The following ADAMTS20 variants were observed in gnomAD, a reference collection of about 807,000 sequenced individuals.
ADAMTS20 encodes ADAM metallopeptidase with thrombospondin type 1 motif 20.
Under a neutral mutation model 260.1 loss-of-function variants are expected in ADAMTS20, and 225 were observed. The observed-to-expected ratio is 0.87, with a 90% CI of 0.78 to 0.97. The LOEUF (loss-of-function observed/expected upper bound fraction) is 0.97. Ranked by LOEUF, ADAMTS20 falls within the 50% of genes least tolerant of loss-of-function variation. The pLI is 0.00. For missense variants in ADAMTS20, 2,400 were observed against 2,337.7 expected (o/e 1.03, Z -0.55); for synonymous variants, 802 against 769.5 (o/e 1.04, Z -0.70).
chr12:43,444,271 A>C (rs1305515911), intron 15 of ADAMTS20, among the ~76,000 whole-genome samples: 1 of 152,160 alleles, frequency 6.6e-6, no homozygotes, highest in East Asian at 1.9e-4. Flanking sequence ...ACAATTCACA[A>C]GTCCAGGAGA....
chr12:43,406,222 A>G (rs1023286880), intron 28 of ADAMTS20, among the ~76,000 whole-genome samples: 1 of 152,148 alleles, frequency 6.6e-6, no homozygotes, highest in Non-Finnish European at 1.5e-5. Context: ...ACAATTTGAG[A>G]GGATTAGTTG....
chr12:43,450,211 A>T (rs527861223), intron 14 of ADAMTS20, among the ~76,000 whole-genome samples: 7 of 152,276 alleles, frequency 4.6e-5, no homozygotes, highest in African/African-American at 1.7e-4. Context: ...ATACAAGTAG[A>T]TGGCTTGTTC....
chr12:43,453,770 A>T (rs1941912546), intron 12 of ADAMTS20, 137 bp downstream of exon 12: 2 of 868,770 alleles, frequency 2.3e-6, no homozygotes, highest in Non-Finnish European at 3.5e-6. Flanking sequence ...AATCAATGTG[A>T]CTTAAAGTGC....
chr12:43,420,800 C>CTTTTTTTTTTTTTT (rs747496684), intron 28 of ADAMTS20, among the ~76,000 whole-genome samples: 763 of 55,488 alleles, frequency 0.014, 130 homozygotes, highest in Middle Eastern at 0.034. Context: ...CCTCCTCCTT[C>CTTTTTTTTTTTTTT]TTTTTTTTTT....
chr12:43,408,460 T>A, intron 28 of ADAMTS20, among the ~76,000 whole-genome samples: 1 of 152,324 alleles, frequency 6.6e-6, no homozygotes, highest in South Asian at 2.1e-4. Flanking sequence ...CCATTTCAAG[T>A]TCCCACAAAT....
At position 43,383,938 on chromosome 12, in the gene ADAMTS20, C is replaced by T. The variant is rs1344071736; in HGVS notation, c.4492G>A (p.Val1498Ile). The change falls in exon 30 of 39, where the codon GTA becomes ATA. Residue 1498 changes from valine to isoleucine, a missense_variant. Physicochemically the swap from Val to Ile is conservative, Grantham distance 29 (BLOSUM62 3). Coordinates refer to ENST00000389420, the MANE Select transcript of ADAMTS20 (RefSeq NM_025003.5). Reference protein sequence around the residue: ...TCGSGVQQRDVYCRLKGVGQV... With the variant: ...TCGSGVQQRDIYCRLKGVGQV... ...CCAACACCTTTCAGTCTGCAGTATA[C>T]ATCCCTCTGCTGAACTCCAGAGCCA... The T allele has an allele frequency of 2.5e-6, 4 of 1,613,790 alleles. No individual in the cohort carries two copies. In the African/African-American group the frequency reaches 5.3e-5, roughly 22 times the overall value.
chr12:43,430,550 T>G, intron 22 of ADAMTS20, 79 bp from the exon 23 acceptor site: 1 of 1,287,140 alleles, frequency 7.8e-7, no homozygotes, highest in Non-Finnish European at 1.1e-6. Flanking sequence ...ATGAATACCC[T>G]GTTAATAATA....
rs147916368 is a variant in ADAMTS20, at chr12:43,356,669, G to A, written c.5539-81C>T. 12 of 954,688 alleles carry A rather than the reference G, an allele frequency of 1.3e-5. No homozygotes were observed. The African/African-American group carries it at 2.0e-4, about 16-fold the overall frequency. 59.1% of individuals were successfully genotyped at this position (954,688 alleles called of 1,614,324 possible). ...CAAATAAGTCTTCTCAATTGCAAGG[G>A]GCAACTGAATTAATACTATATAATG... On this transcript the variant is annotated intron_variant, in intron 37 of 38. Transcript: ENST00000389420.
chr12:43,356,625 T>G, intron 37 of ADAMTS20, 37 bp from the exon 38 acceptor site: 2 of 1,434,844 alleles, frequency 1.4e-6, no homozygotes, highest in Non-Finnish European at 1.9e-6. Flanking sequence ...ATAGATGGAA[T>G]TTACAAAATA....
At chr12:43,539,957 A>G (rs980303610) in intron 2 of ADAMTS20, among the ~76,000 whole-genome samples, 3 of 151,132 alleles carry the variant, frequency 2.0e-5, no homozygotes, top group Admixed American at 6.6e-5. Context: ...ATCTCAGCTC[A>G]CTGCAACCTC....
At chr12:43,374,447 C>A (rs896607483) in intron 36 of ADAMTS20, among the ~76,000 whole-genome samples, 5 of 152,080 alleles carry the variant, frequency 3.3e-5, no homozygotes, top group South Asian at 2.1e-4. Context: ...CAGCAGCCTG[C>A]ATTTGCCAGG....
intron 7 of ADAMTS20, among the ~76,000 whole-genome samples, chr12:43,486,096 A>C (rs1310977558): frequency 6.6e-6 from 1 of 152,176 alleles, no homozygotes; most frequent in Non-Finnish European, 1.5e-5. Flanking sequence ...ATTCATATAG[A>C]ACCAAACAGG....
chr12:43,531,786 C>CA (rs1005608393), intron 3 of ADAMTS20, among the ~76,000 whole-genome samples: 21 of 150,660 alleles, frequency 1.4e-4, no homozygotes, highest in East Asian at 5.8e-4. Flanking sequence ...GTTCTCACCA[C>CA]AAAAAAAAGA....
intron 11 of ADAMTS20, among the ~76,000 whole-genome samples, chr12:43,455,122 T>C (rs1269750035): frequency 6.6e-6 from 1 of 152,198 alleles, no homozygotes; most frequent in Non-Finnish European, 1.5e-5. Context: ...CTACTCCAGA[T>C]AGTTCATACA....
rs1706101620 is a variant in ADAMTS20, at chr12:43,469,797, T to A, written c.1118-1092A>T. Among the ~76,000 whole-genome samples, 3 of 152,204 alleles carry A rather than the reference T, an allele frequency of 2.0e-5. No individual in the cohort carries two copies. In the South Asian group the frequency reaches 6.2e-4, roughly 31 times the overall value. ...ACATCTTCCTAGCATTTAAGGTAGA[T>A]GTCCTAACAACTAGAATGTTTTTGT... On this transcript the variant is annotated intron_variant, in intron 7 of 38. Coordinates refer to ENST00000389420, the MANE Select transcript of ADAMTS20 (RefSeq NM_025003.5).
chr12:43,490,282 A>T, intron 7 of ADAMTS20, 113 bp downstream of exon 7: 1 of 564,386 alleles, frequency 1.8e-6, no homozygotes, highest in Non-Finnish European at 3.0e-6. Context: ...ATTTATCAAG[A>T]TAATTAATCA....
At chr12:43,381,780 CAAAAAAAAAAAAA>C (rs765135656) in intron 31 of ADAMTS20, among the ~76,000 whole-genome samples, 1 of 34,518 alleles carries the variant, frequency 2.9e-5, no homozygotes, top group Non-Finnish European at 5.1e-5. Flanking sequence ...GACTGCATCT[CAAAAAAAAAAAAA>C]AAAAAAAAAA....
chr12:43,442,040 G>C (rs1941675551), intron 16 of ADAMTS20, among the ~76,000 whole-genome samples: 1 of 152,000 alleles, frequency 6.6e-6, no homozygotes, highest in Non-Finnish European at 1.5e-5. Context: ...GGGATTATTG[G>C]TTATGTTAAA....
At chr12:43,536,606 C>A (rs1013797572) in intron 2 of ADAMTS20, among the ~76,000 whole-genome samples, 1 of 152,118 alleles carries the variant, frequency 6.6e-6, no homozygotes, top group Non-Finnish European at 1.5e-5. Flanking sequence ...AGGAGGTAGC[C>A]GTGGAAAATT....
Sources: allele counts gnomAD v4.1 joint callset (sites outside exome capture counted in the v4.1 genomes callset), GRCh38; gene constraint gnomAD v4.1.1; transcripts MANE v1.5; gene names NCBI Gene and HGNC (gene_info 2026-07-23, HGNC 2026-07-21).